Variants in AGAP1 observed in about 807,000 individuals in gnomAD.
The protein encoded by AGAP1 is ArfGAP with GTPase domain, ankyrin repeat and PH domain 1.
In AGAP1, 29 loss-of-function variants were observed where a neutral mutation model predicts 105.3. The observed-to-expected ratio is 0.28, with a 90% CI of 0.21 to 0.38. The LOEUF is 0.38. AGAP1 is among the 10% of genes least tolerant of loss of function. The pLI, the probability that AGAP1 is intolerant of heterozygous loss-of-function variation, is 1.00. For synonymous variants in AGAP1, 509 were observed against 485.9 expected (o/e 1.05, Z -0.63); for missense variants, 998 against 1,165.1 (o/e 0.86, Z 2.09).
At position 235,824,735 on chromosome 2, in the gene AGAP1, T is replaced by A. The variant is rs1401456620; in HGVS notation, c.1050+17404T>A. ...CACATGTAGATGAGATGTGCCCTTA[T>A]ATGAGACGGCCTGCATTCTTTCGCG... On this transcript the variant is annotated intron_variant, in intron 9 of 17. Coordinates refer to ENST00000304032, the MANE Select transcript of AGAP1 (RefSeq NM_001037131.3). The surrounding 1 kb of genome is among the most constrained non-coding windows in gnomAD (Gnocchi z 5.2). Among the ~76,000 whole-genome samples, 1 of 152,190 alleles carries A rather than the reference T, an allele frequency of 6.6e-6. No individual in the cohort carries two copies. Among genetic ancestry groups the A allele is most frequent in the Non-Finnish European group, 1.5e-5 (1 of 68,044 alleles).
In AGAP1 at chr2:235,953,066, C is replaced by T. The variant is rs1559688375; in HGVS notation, c.1484-15396C>T. Among the ~76,000 whole-genome samples, 1 of 152,326 alleles carries T rather than the reference C, an allele frequency of 6.6e-6. No homozygotes were observed. Among genetic ancestry groups the T allele is most frequent in the East Asian group, 1.9e-4 (1 of 5,188 alleles). On this transcript the variant is annotated intron_variant, in intron 12 of 17. Coordinates refer to ENST00000304032, the MANE Select transcript of AGAP1 (RefSeq NM_001037131.3). This position sits in a 1 kb window ranked among gnomAD's most constrained non-coding sequence, Gnocchi z 5.2. ...GACACCACGATGCTATCACCATCCTCGCTGACTGGGACATGCCACCCACCT... is the reference window on the plus strand; with the variant it reads ...GACACCACGATGCTATCACCATCCTTGCTGACTGGGACATGCCACCCACCT...
At chr2:235,780,981 T>G (rs560508038) in intron 6 of AGAP1, among the ~76,000 whole-genome samples, 1 of 152,278 alleles carries the variant, frequency 6.6e-6, no homozygotes, top group South Asian at 2.1e-4. Context: ...CTGCAGCCAC[T>G]CTTTGCTAAA....
chr2:235,930,153 C>A lies in AGAP1; in HGVS notation c.1325-612C>A, dbSNP rs1011360759. 2.0e-5 allele frequency among the ~76,000 whole-genome samples: 3 copies of A among 152,120 alleles called. No homozygotes were observed. Among genetic ancestry groups the A allele is most frequent in the Non-Finnish European group, 4.4e-5 (3 of 67,978 alleles). On this transcript the variant is annotated intron_variant, in intron 11 of 17. Transcript: ENST00000304032. This position sits in a 1 kb window ranked among gnomAD's most constrained non-coding sequence, Gnocchi z 7.9. The stretch of plus-strand genomic sequence containing the variant: ...ACAATGGAATCATTTTTCATCACAG[C>A]CCCTGTGCTCTATGAAGTCACGCAG...
intron 9 of AGAP1, among the ~76,000 whole-genome samples, chr2:235,840,747 G>A (rs1025431634): frequency 6.7e-6 from 1 of 148,338 alleles, no homozygotes; most frequent in African/African-American, 2.5e-5. Flanking sequence ...ATTCGATGTG[G>A]AGGATGAAGG....
chr2:236,028,467 C>T (rs547161508), intron 13 of AGAP1, among the ~76,000 whole-genome samples: 43 of 152,294 alleles, frequency 2.8e-4, no homozygotes, highest in African/African-American at 9.9e-4. Flanking sequence ...TACTTTGCTA[C>T]CTCAGAGATA....
rs1046510047 is a variant in AGAP1, at chr2:235,665,748, T to G, written c.164-43431T>G. ...CTCCCGGGGTGGGCATGCTCAGGCCTGGGCAGTACCAGTGGTTGGCCAGTT... is the reference window on the plus strand; with the variant it reads ...CTCCCGGGGTGGGCATGCTCAGGCCGGGGCAGTACCAGTGGTTGGCCAGTT... On this transcript the variant is annotated intron_variant, in intron 1 of 17. Coordinates refer to ENST00000304032, the MANE Select transcript of AGAP1 (RefSeq NM_001037131.3). This position sits in a 1 kb window ranked among gnomAD's most constrained non-coding sequence, Gnocchi z 5.3. 6.6e-6 allele frequency among the ~76,000 whole-genome samples: 1 copy of G among 152,142 alleles called. No homozygotes were observed. The highest frequency in any genetic ancestry group is 2.4e-5 in the African/African-American group (1 of 41,448).
At chr2:235,554,612 T>C (rs1943916142) in intron 1 of AGAP1, among the ~76,000 whole-genome samples, 1 of 152,248 alleles carries the variant, frequency 6.6e-6, no homozygotes, top group Admixed American at 6.5e-5. Context: ...GAAAAATGCC[T>C]TGATGCCACT....
At chr2:235,496,606 C>A (rs528954906) in intron 1 of AGAP1, among the ~76,000 whole-genome samples, 1 of 152,220 alleles carries the variant, frequency 6.6e-6, no homozygotes, top group South Asian at 2.1e-4. Flanking sequence ...CTGAGAGCCT[C>A]TTTTGCTGCA....
intron 6 of AGAP1, among the ~76,000 whole-genome samples, chr2:235,770,792 A>G (rs1056676764): frequency 1.3e-5 from 2 of 152,166 alleles, no homozygotes; most frequent in African/African-American, 4.8e-5. Context: ...TGCTTCAGGA[A>G]TGTCTGACCC....
chr2:235,767,969 T>C (rs1205463955), intron 6 of AGAP1, among the ~76,000 whole-genome samples: 4 of 152,056 alleles, frequency 2.6e-5, no homozygotes, highest in African/African-American at 7.2e-5. Flanking sequence ...GTATTTTTAG[T>C]AGAGACAGGG....
chr2:236,021,400 G>A (rs993664321), intron 13 of AGAP1, among the ~76,000 whole-genome samples: 1 of 152,088 alleles, frequency 6.6e-6, no homozygotes, highest in Admixed American at 6.5e-5. Context: ...GTAAGCCCGG[G>A]TCTCCTGATG....
In AGAP1 at chr2:235,872,298, AG is replaced by A. The variant is rs1207701227; in HGVS notation, c.1051-11045del. Among the ~76,000 whole-genome samples the A allele has an allele frequency of 6.6e-6, 1 of 152,220 alleles. No homozygotes were observed. Among genetic ancestry groups the A allele is most frequent in the Admixed American group, 6.5e-5 (1 of 15,284 alleles). On this transcript the variant is annotated intron_variant, in intron 9 of 17. Coordinates refer to ENST00000304032, the MANE Select transcript of AGAP1 (RefSeq NM_001037131.3). The surrounding 1 kb of genome is among the most constrained non-coding windows in gnomAD (Gnocchi z 4.5). ...TTCTAAATAAATGCCGAAGCCACAT[AG>A]GAGTCAAAGAAAGCGTTAACTGTAA...
At chr2:235,603,581 G>T (rs1945812106) in intron 1 of AGAP1, among the ~76,000 whole-genome samples, 1 of 152,182 alleles carries the variant, frequency 6.6e-6, no homozygotes, top group African/African-American at 2.4e-5. Context: ...GAGAGCAAAT[G>T]CTTTAAGAAA....
intron 9 of AGAP1, chr2:235,853,185 A>C: frequency 9.3e-7 from 1 of 1,077,738 alleles, no homozygotes; most frequent in South Asian, 4.5e-5. Flanking sequence ...AACATAAAAC[A>C]TTAAAATCCA....
intron 1 of AGAP1, among the ~76,000 whole-genome samples, chr2:235,546,953 T>C (rs1464702275): frequency 1.3e-5 from 2 of 152,180 alleles, no homozygotes; most frequent in Non-Finnish European, 2.9e-5. Context: ...CGTATTCAGC[T>C]CTCCACCCGT....
At chr2:235,513,522 G>GAAAAAAA (rs5839595) in intron 1 of AGAP1, among the ~76,000 whole-genome samples, 3 of 73,222 alleles carry the variant, frequency 4.1e-5, no homozygotes, top group Admixed American at 1.7e-4. Context: ...CTCCGTCTCA[G>GAAAAAAA]AAAAAAAAAA....
chr2:235,840,689 T>C (rs1960721143), intron 9 of AGAP1, among the ~76,000 whole-genome samples: 1 of 151,862 alleles, frequency 6.6e-6, no homozygotes, highest in Admixed American at 6.6e-5. Flanking sequence ...AGAAGACATA[T>C]CTGGAGGCTT....
At chr2:236,004,283 C>G (rs2056239804) in intron 13 of AGAP1, among the ~76,000 whole-genome samples, 1 of 151,996 alleles carries the variant, frequency 6.6e-6, no homozygotes, top group African/African-American at 2.4e-5. Context: ...TTAGCGTGAC[C>G]CAAGTTTCCA....
intron 9 of AGAP1, among the ~76,000 whole-genome samples, chr2:235,870,720 C>G (rs1003136576): frequency 2.6e-5 from 4 of 152,152 alleles, no homozygotes; most frequent in Non-Finnish European, 4.4e-5. Context: ...GATGCTGATT[C>G]ACCCTGCTCT....
Sources: gnomAD v4.1 joint callset for allele counts (sites outside exome capture counted in the v4.1 genomes callset) on GRCh38, gnomAD v4.1.1 for gene constraint, Gnocchi (gnomAD v3.1) non-coding constraint, MANE v1.5 for transcripts, NCBI Gene and HGNC (gene_info 2026-07-23, HGNC 2026-07-21) for gene names.